The following MYO16 variants were observed in gnomAD, a reference collection of about 807,000 sequenced individuals.
MYO16 encodes the protein unconventional myosin-XVI.
Under a neutral mutation model 205.3 loss-of-function variants are expected in MYO16, and 94 were observed. The observed-to-expected ratio is 0.46, with a 90% CI of 0.39 to 0.54. The LOEUF (loss-of-function observed/expected upper bound fraction) is 0.54. Ranked by LOEUF, MYO16 falls within the 20% of genes least tolerant of loss-of-function variation. The pLI is 0.00. For synonymous variants in MYO16, 988 were observed against 954.0 expected (o/e 1.04, Z -0.66); for missense variants, 2,315 against 2,387.5 (o/e 0.97, Z 0.63).
chr13:108,608,841 A>G (rs948261824), intron 1 of MYO16, among the ~76,000 whole-genome samples: 1 of 152,064 alleles, frequency 6.6e-6, no homozygotes, highest in Non-Finnish European at 1.5e-5. Flanking sequence ...ACAGGGTTTC[A>G]CCATGTTGGC....
intron 16 of MYO16, among the ~76,000 whole-genome samples, chr13:108,917,017 CA>C (rs1356033464): frequency 3.3e-5 from 5 of 149,548 alleles, no homozygotes; most frequent in African/African-American, 9.9e-5. Flanking sequence ...ATGTTTGCCC[CA>C]GGAATGTGAG....
intron 10 of MYO16, among the ~76,000 whole-genome samples, chr13:108,848,574 G>A (rs886621913): frequency 1.3e-5 from 2 of 152,182 alleles, no homozygotes; most frequent in Non-Finnish European, 2.9e-5. Context: ...GCCAAGGTGG[G>A]AGGATTGCTT....
At chr13:108,986,622 C>CAAAAAAAAAAAAA (rs11350100) in intron 20 of MYO16, among the ~76,000 whole-genome samples, 1 of 69,528 alleles carries the variant, frequency 1.4e-5, no homozygotes, top group Admixed American at 1.8e-4. Context: ...AACTCCGTCT[C>CAAAAAAAAAAAAA]AAAAAAAAAA....
At chr13:108,539,058 G>C in the MYO16 span, among the ~76,000 whole-genome samples, 1 of 152,046 alleles carries the variant, frequency 6.6e-6, no homozygotes, top group Admixed American at 6.6e-5. Context: ...ATCACCTGCA[G>C]CTTACTAGCT....
At position 109,111,214 on chromosome 13, in the gene MYO16, G is replaced by C. The variant is rs1267449453; in HGVS notation, c.3439-9156G>C. On this transcript the variant is annotated intron_variant, in intron 28 of 34. Coordinates refer to ENST00000457511, the MANE Select transcript of MYO16 (RefSeq NM_001198950.3). ...TTGTTTCCCTTGGAAGAGATGACCT[G>C]GTAGGCACAGAAACTGTTTCACATA... Among the ~76,000 whole-genome samples, 3 of 152,150 alleles carry C rather than the reference G, an allele frequency of 2.0e-5. No homozygotes were observed. The South Asian group carries it at 6.2e-4, about 32-fold the overall frequency.
intron 1 of MYO16, among the ~76,000 whole-genome samples, chr13:108,606,035 T>C (rs1175086445): frequency 6.6e-6 from 1 of 152,210 alleles, no homozygotes; most frequent in Non-Finnish European, 1.5e-5. Flanking sequence ...CTTGCTATGC[T>C]TTAGCAAGGA....
At chr13:108,624,472 A>G (rs898033612) in intron 1 of MYO16, among the ~76,000 whole-genome samples, 1 of 152,218 alleles carries the variant, frequency 6.6e-6, no homozygotes, top group African/African-American at 2.4e-5. Flanking sequence ...AGAGTCATAC[A>G]GACATAAAAC....
chr13:108,910,131 A>C lies in MYO16; in HGVS notation c.1906A>C (p.Asn636His). Residue 636 changes from asparagine (N) to histidine (H), a missense_variant, in exon 16 of 35, where the codon AAT becomes CAT. This residue lies in a region of MYO16 where 1,213 missense variants were observed against 1,274.4 expected (regional missense o/e 0.95). Coordinates refer to ENST00000457511, the MANE Select transcript of MYO16 (RefSeq NM_001198950.3). ...TGAAGAAAAATATGGACTTCATCTT[A>C]ATAATTTATGTGCACACCGGTGAGT... ...SAEEKYGLHL[N>H]NLCAHRYLNQ... The C allele has an allele frequency of 6.2e-7, 1 of 1,613,094 alleles. No individual in the cohort carries two copies. The highest frequency in any genetic ancestry group is 8.5e-7 in the Non-Finnish European group (1 of 1,179,396).
At chr13:108,941,513 C>A (rs1171975258) in intron 16 of MYO16, among the ~76,000 whole-genome samples, 1 of 151,768 alleles carries the variant, frequency 6.6e-6, no homozygotes, top group Admixed American at 6.6e-5. Context: ...CCCGTGTCTA[C>A]TAAAAATACA....
intron 7 of MYO16, among the ~76,000 whole-genome samples, chr13:108,818,606 G>T (rs755645084): frequency 6.6e-6 from 1 of 152,056 alleles, no homozygotes; most frequent in Non-Finnish European, 1.5e-5. Flanking sequence ...GCATTAATGA[G>T]ATGAACCAAG....
chr13:108,679,645 T>G (rs1214348504), intron 2 of MYO16, among the ~76,000 whole-genome samples: 3 of 151,086 alleles, frequency 2.0e-5, no homozygotes, highest in African/African-American at 7.3e-5. Context: ...TTCAGTCTTG[T>G]CCTCCCTTAG....
intron 23 of MYO16, among the ~76,000 whole-genome samples, chr13:109,043,174 G>C (rs1886935010): frequency 6.6e-6 from 1 of 152,150 alleles, no homozygotes; most frequent in Non-Finnish European, 1.5e-5. Context: ...ACCAAAACTT[G>C]CTATCCATTT....
the MYO16 span, among the ~76,000 whole-genome samples, chr13:108,551,318 C>T: frequency 6.6e-6 from 1 of 152,184 alleles, no homozygotes; most frequent in Non-Finnish European, 1.5e-5. Context: ...AGCTTGCTCC[C>T]TAAGTCTAAA....
At chr13:108,642,431 A>G (rs576612784) in intron 1 of MYO16, among the ~76,000 whole-genome samples, 1 of 152,244 alleles carries the variant, frequency 6.6e-6, no homozygotes, top group Admixed American at 6.5e-5. Context: ...CACGTTGGTA[A>G]CTTTGGGTGT....
rs61971100 is a variant in MYO16 at position 108,759,698 on chromosome 13, A to T, written c.508-25937A>T. Among the ~76,000 whole-genome samples, 25 of 150,314 alleles carry T rather than the reference A, an allele frequency of 1.7e-4. No individual in the cohort carries two copies. The East Asian group carries it at 2.3e-3, about 14-fold the overall frequency. Reference sequence around the variant, plus strand: ...TAGCCAGGCGTGGGGGCAGGCGCCTATAGTCCCAGCTACTCCGGAGGCTAA... The same window carrying T: ...TAGCCAGGCGTGGGGGCAGGCGCCTTTAGTCCCAGCTACTCCGGAGGCTAA... On this transcript the variant is annotated intron_variant, in intron 4 of 34. Coordinates refer to ENST00000457511, the MANE Select transcript of MYO16 (RefSeq NM_001198950.3).
chr13:108,556,936 G>C, the MYO16 span, among the ~76,000 whole-genome samples: 1 of 152,028 alleles, frequency 6.6e-6, no homozygotes, highest in Non-Finnish European at 1.5e-5. Context: ...ATAATCAATT[G>C]ACTGTTATTG....
chr13:108,671,322 C>T (rs1361157228), intron 2 of MYO16, among the ~76,000 whole-genome samples: 1 of 152,172 alleles, frequency 6.6e-6, no homozygotes, highest in Non-Finnish European at 1.5e-5. Context: ...TGCATGCTTT[C>T]TCTGTGTACA....
chr13:109,012,422 A>G (rs1885632877), intron 22 of MYO16, among the ~76,000 whole-genome samples: 1 of 152,208 alleles, frequency 6.6e-6, no homozygotes, highest in African/African-American at 2.4e-5. Flanking sequence ...GCAGGAACCT[A>G]TGAGAGGGAT....
intron 16 of MYO16, among the ~76,000 whole-genome samples, chr13:108,924,291 T>C (rs946974938): frequency 6.6e-6 from 1 of 152,170 alleles, no homozygotes; most frequent in Non-Finnish European, 1.5e-5. Flanking sequence ...GGGACTCCAA[T>C]CTAAACGAAG....
Sources: gnomAD v4.1 joint callset for allele counts (sites outside exome capture counted in the v4.1 genomes callset) on GRCh38, gnomAD v4.1.1 for gene constraint, gnomAD v4.1.1 regional missense constraint, MANE v1.5 for transcripts, NCBI Gene and HGNC (gene_info 2026-07-23, HGNC 2026-07-21) for gene names.